PTPN14: variants seen among roughly 807,000 people sequenced by gnomAD.
PTPN14 encodes the protein tyrosine-protein phosphatase non-receptor type 14.
Under a neutral mutation model 126.8 loss-of-function variants are expected in PTPN14, and 53 were observed. The ratio of observed to expected loss-of-function variants is 0.42; its 90% CI spans 0.34 to 0.53. The LOEUF is 0.53. Ranked by LOEUF, PTPN14 falls within the 20% of genes least tolerant of loss-of-function variation. The probability of loss-of-function intolerance (pLI) is 0.08; values close to 1 mark genes in which losing one functional copy is unlikely to be tolerated. For synonymous variants in PTPN14, 630 were observed against 599.3 expected (o/e 1.05, Z -0.75); for missense variants, 1,257 against 1,552.9 (o/e 0.81, Z 3.20).
intron 9 of PTPN14, 115 bp downstream of exon 9, chr1:214,394,784 T>C (rs1658838894): frequency 4.3e-6 from 4 of 931,294 alleles, no homozygotes; most frequent in Admixed American, 1.9e-5. Context: ...AAAGCATCTC[T>C]TCAAGGGAGT....
chr1:214,475,574 C>A (rs991761155), intron 1 of PTPN14, among the ~76,000 whole-genome samples: 1 of 152,178 alleles, frequency 6.6e-6, no homozygotes, highest in African/African-American at 2.4e-5. Context: ...CTCTTCAATT[C>A]CACTTCTTTT....
chr1:214,533,066 C>A, intron 1 of PTPN14: 1 of 743,390 alleles, frequency 1.3e-6, no homozygotes, highest in Non-Finnish European at 2.5e-6. Flanking sequence ...ATGACACTCA[C>A]GGAGCTGGGA....
intron 1 of PTPN14, among the ~76,000 whole-genome samples, chr1:214,490,999 AG>A (rs1661232260): frequency 7.8e-6 from 1 of 127,558 alleles, no homozygotes; most frequent in African/African-American, 3.1e-5. Context: ...AGGGAAGGAA[AG>A]GAAAGAAAGG....
intron 3 of PTPN14, among the ~76,000 whole-genome samples, chr1:214,428,465 T>C (rs534536349): frequency 9.5e-4 from 144 of 152,336 alleles, no homozygotes; most frequent in African/African-American, 3.4e-3. Context: ...GTCAAACATT[T>C]TATCTAATCA....
intron 1 of PTPN14, among the ~76,000 whole-genome samples, chr1:214,503,498 T>A (rs1408523702): frequency 6.6e-6 from 1 of 152,198 alleles, no homozygotes; most frequent in Non-Finnish European, 1.5e-5. Context: ...AAAATAGAGT[T>A]TAAGAAACAG....
chr1:214,412,136 C>T (rs1229323848), intron 4 of PTPN14, among the ~76,000 whole-genome samples: 1 of 152,198 alleles, frequency 6.6e-6, no homozygotes, highest in Non-Finnish European at 1.5e-5. Flanking sequence ...AACCCATCTG[C>T]ATCTTTTCAT....
At chr1:214,414,001 A>G (rs1056093082) in intron 4 of PTPN14, among the ~76,000 whole-genome samples, 2 of 151,710 alleles carry the variant, frequency 1.3e-5, no homozygotes, top group Non-Finnish European at 2.9e-5. Context: ...TCTTGCTTTC[A>G]GTATAACTGA....
intron 17 of PTPN14, 73 bp downstream of exon 17, chr1:214,369,384 T>C (rs1658159304): frequency 7.0e-7 from 1 of 1,419,248 alleles, no homozygotes; most frequent in Non-Finnish European, 9.9e-7. Flanking sequence ...TTCCATTTCA[T>C]CTCCAACAGA....
intron 1 of PTPN14, among the ~76,000 whole-genome samples, chr1:214,544,329 G>A (rs964200231): frequency 6.6e-6 from 1 of 152,170 alleles, no homozygotes; most frequent in African/African-American, 2.4e-5. Flanking sequence ...TACTTGAGAG[G>A]CTGAGGTAGG....
rs559304853 is a variant in PTPN14, at chr1:214,532,881, G to A, written c.-155+18302C>T. 2.0e-4 allele frequency: 206 copies of A among 1,030,206 alleles called. 1 individual carries two copies. The East Asian group carries it at 4.7e-3, about 24-fold the overall frequency. The allele number at this position is 1,030,206 out of a possible 1,614,324, so 63.8% of individuals were successfully genotyped here. A position where few individuals can be genotyped will look rare whatever the true frequency, so the allele number is the denominator to read the frequency against. Reference sequence around the variant, plus strand: ...AGATTGCCAGCTCTGGGTTGACCATGGAGGTTGATGCCCCCAAATCTCAGG... The same window carrying A: ...AGATTGCCAGCTCTGGGTTGACCATAGAGGTTGATGCCCCCAAATCTCAGG... On this transcript the variant is annotated intron_variant, in intron 1 of 18. Transcript: ENST00000366956.
At chr1:214,360,663 G>A (rs545348674) in intron 18 of PTPN14, among the ~76,000 whole-genome samples, 4 of 152,382 alleles carry the variant, frequency 2.6e-5, no homozygotes, top group South Asian at 4.1e-4. Flanking sequence ...TCACACTGGT[G>A]TTCAGAGCAC....
intron 1 of PTPN14, among the ~76,000 whole-genome samples, chr1:214,549,321 A>T (rs758238747): frequency 6.6e-6 from 1 of 152,246 alleles, no homozygotes; most frequent in Non-Finnish European, 1.5e-5. Flanking sequence ...CTGGGCCATT[A>T]GTCTACAAAA....
chr1:214,447,293 C>A (rs530262546), intron 3 of PTPN14, among the ~76,000 whole-genome samples: 144 of 152,232 alleles, frequency 9.5e-4, no homozygotes, highest in African/African-American at 3.4e-3. Flanking sequence ...TAAAACCTCC[C>A]AAGAAGGCTG....
chr1:214,529,113 G>A (rs1216125018), intron 1 of PTPN14: 1 of 151,922 alleles, frequency 6.6e-6, no homozygotes, highest in Non-Finnish European at 1.5e-5. Flanking sequence ...GACCAGCCTG[G>A]GGATATAGCA....
At chr1:214,547,093 T>C (rs560856654) in intron 1 of PTPN14, among the ~76,000 whole-genome samples, 2 of 152,316 alleles carry the variant, frequency 1.3e-5, no homozygotes, top group South Asian at 4.2e-4. Flanking sequence ...GTGTCCTTCA[T>C]CCACAAGCAT....
At chr1:214,419,115 AT>A (rs1432635672) in intron 3 of PTPN14, among the ~76,000 whole-genome samples, 2 of 152,208 alleles carry the variant, frequency 1.3e-5, no homozygotes, top group Non-Finnish European at 2.9e-5. Flanking sequence ...ATCATAAAAA[AT>A]GTTATCCAAA....
rs1660597181 is a variant in PTPN14 at position 214,464,949 on chromosome 1, G to A, written c.-146C>T. 1 of 957,556 alleles carries A rather than the reference G, an allele frequency of 1.0e-6. No individual in the cohort carries two copies. Among genetic ancestry groups the A allele is most frequent in the Non-Finnish European group, 1.5e-6 (1 of 660,910 alleles). The allele number at this position is 957,556 out of a possible 1,614,324, so 59.3% of individuals were successfully genotyped here. On this transcript the variant is annotated 5_prime_UTR_variant, in exon 2 of 19. Coordinates refer to ENST00000366956, the MANE Select transcript of PTPN14 (RefSeq NM_005401.5). ...GTGTCCATGCCCAGTGTGGCCCTCT[G>A]GAAGATAGCTGTAAATGCAAAAGAA... is the stretch of plus-strand genomic sequence containing the variant.
Position 214,417,794 on chromosome 1 carries a change from G to A in PTPN14, c.345-3068C>T, listed in dbSNP as rs144258738. 4.1e-3 allele frequency among the ~76,000 whole-genome samples: 621 copies of A among 152,258 alleles called. 5 individuals carry two copies. Among genetic ancestry groups the A allele is most frequent in the Admixed American group, 7.1e-3 (109 of 15,290 alleles). On this transcript the variant is annotated intron_variant, in intron 3 of 18. Transcript: ENST00000366956. ...CACCAGGAACTCAGAGGCCGGGTAC[G>A]TGTTGCTTTTAAAATATTTCACCCA...
chr1:214,532,788 CG>C, intron 1 of PTPN14: 1 of 850,586 alleles, frequency 1.2e-6, no homozygotes, highest in South Asian at 1.3e-5. Flanking sequence ...AGACAGAGAT[CG>C]AGGCTCTCAA....
Sources: allele counts gnomAD v4.1 joint callset (sites outside exome capture counted in the v4.1 genomes callset), GRCh38; gene constraint gnomAD v4.1.1; transcripts MANE v1.5; gene names NCBI Gene and HGNC (gene_info 2026-07-23, HGNC 2026-07-21).